C19orf81: variants seen among roughly 807,000 people sequenced by gnomAD.
C19orf81 encodes the protein chromosome 19 open reading frame 81.
In C19orf81, 19 loss-of-function variants were observed where a neutral mutation model predicts 22.1. The ratio of observed to expected loss-of-function variants is 0.86; its 90% confidence interval spans 0.60 to 1.26. C19orf81 has a LOEUF of 1.26. Among genes scored for constraint, C19orf81 ranks in the 50% most tolerant of loss-of-function variants. The pLI is 0.00. For synonymous variants in C19orf81, 108 were observed against 113.1 expected (o/e 0.95, Z 0.29); for missense variants, 287 against 280.7 (o/e 1.02, Z -0.16).
At chr19:50,656,202 C>T (rs1331583947) in intron 2 of C19orf81, 24 bp from the exon 3 acceptor site, 1 of 1,536,032 alleles carries the variant, frequency 6.5e-7, no homozygotes, top group South Asian at 1.2e-5. Context: ...CTCAGAGGTC[C>T]CTGCCTGTTC....
intron 1 of C19orf81, among the ~76,000 whole-genome samples, chr19:50,650,245 GACA>G (rs1984848519): frequency 6.6e-6 from 1 of 152,172 alleles, no homozygotes; most frequent in Non-Finnish European, 1.5e-5. Context: ...GACCCCTGCT[GACA>G]ACTTCAGGCT....
In C19orf81 at chr19:50,656,290, C is replaced by G; in HGVS notation, c.205C>G (p.Arg69Gly). 2 of 1,536,188 alleles carry G rather than the reference C, an allele frequency of 1.3e-6. No homozygotes were observed. The highest frequency in any genetic ancestry group is 2.4e-5 in the South Asian group (2 of 84,054). ...ACTGGACCGAGAACTCCCGTGCATC[C>G]GGAAGTTCCCCACACCACCAGCTTC... The part of the protein sequence containing the change: ...EALDRELPCI[R>G]KFPTPPASQP... The change falls in exon 3 of 5, where the codon CGG becomes GGG. Residue 69 changes from arginine to glycine, a missense_variant. Transcript: ENST00000425202.
At chr19:50,652,049 T>C (rs550054883) in intron 1 of C19orf81, among the ~76,000 whole-genome samples, 2 of 152,266 alleles carry the variant, frequency 1.3e-5, no homozygotes, top group Non-Finnish European at 2.9e-5. Flanking sequence ...ATTGACACCA[T>C]TGTAGCTCAC....
At chr19:50,655,477 C>T (rs1231391319) in intron 1 of C19orf81, among the ~76,000 whole-genome samples, 7 of 151,958 alleles carry the variant, frequency 4.6e-5, no homozygotes, top group Admixed American at 3.3e-4. Context: ...AGTGAAACCC[C>T]GTCTCTACTA....
chr19:50,659,138 C>T lies in C19orf81; in HGVS notation c.593C>T (p.Ala198Val). The T allele has an allele frequency of 7.4e-7, 1 of 1,351,568 alleles. No homozygotes were observed. Among genetic ancestry groups the T allele is most frequent in the Non-Finnish European group, 9.5e-7 (1 of 1,053,628 alleles). The allele number at this position is 1,351,568 out of a possible 1,614,324, so 83.7% of individuals were successfully genotyped here. Residue 198 changes from alanine (A) to valine (V), a missense_variant, in exon 5 of 5, where the codon GCC becomes GTC. Ala to Val is a moderately conservative substitution (Grantham distance 64). Coordinates refer to ENST00000425202, the MANE Select transcript of C19orf81 (RefSeq NM_001195076.2). ...EALGAEPNEE[A>V] is the part of the protein sequence containing the mutation. ...CTGGGGGCGGAGCCGAACGAGGAGG[C>T]CTGACGCCCGGGCGGGCCCCGGCAG...
At chr19:50,650,434 C>G (rs1599826873) in intron 1 of C19orf81, among the ~76,000 whole-genome samples, 1 of 152,206 alleles carries the variant, frequency 6.6e-6, no homozygotes, top group South Asian at 2.1e-4. Context: ...ACTTTGGAGG[C>G]CGAGGTGAGT....
chr19:50,656,165 C>G, intron 2 of C19orf81, 43 bp downstream of exon 2: 2 of 1,536,132 alleles, frequency 1.3e-6, no homozygotes. Flanking sequence ...TTCCGCCTCC[C>G]CAAATGTGAT....
intron 1 of C19orf81, among the ~76,000 whole-genome samples, chr19:50,650,846 G>C (rs57745948): frequency 0.011 from 1,695 of 152,274 alleles, 38 homozygotes; most frequent in African/African-American, 0.039. Flanking sequence ...GCTTTTGAAG[G>C]CATCTTTCTT....
chr19:50,649,658 T>A, intron 1 of C19orf81, 147 bp downstream of exon 1: 1 of 917,418 alleles, frequency 1.1e-6, no homozygotes, highest in Non-Finnish European at 1.7e-6. Flanking sequence ...ACCAGATTCC[T>A]GGAGAGCGGC....
chr19:50,653,446 A>C (rs1289775501), intron 1 of C19orf81, among the ~76,000 whole-genome samples: 1 of 152,004 alleles, frequency 6.6e-6, no homozygotes, highest in African/African-American at 2.4e-5. Flanking sequence ...TGTTTGAGGG[A>C]TGGAGGGAGG....
intron 3 of C19orf81, among the ~76,000 whole-genome samples, chr19:50,657,771 T>A (rs917075016): frequency 6.6e-6 from 1 of 152,206 alleles, no homozygotes; most frequent in Non-Finnish European, 1.5e-5. Context: ...TTTTGGAGAA[T>A]GACCTAGAGT....
intron 1 of C19orf81, chr19:50,649,899 C>T: frequency 2.2e-6 from 1 of 456,202 alleles, no homozygotes; most frequent in Non-Finnish European, 4.4e-6. Flanking sequence ...ACCGCCAACC[C>T]AGTCACTGGT....
chr19:50,651,986 A>C (rs192480755), intron 1 of C19orf81, among the ~76,000 whole-genome samples: 1 of 152,198 alleles, frequency 6.6e-6, no homozygotes, highest in Non-Finnish European at 1.5e-5. Flanking sequence ...ATTTTTTAAA[A>C]TTAATTTATT....
chr19:50,653,024 T>G (rs1227536976), intron 1 of C19orf81, among the ~76,000 whole-genome samples: 2 of 152,118 alleles, frequency 1.3e-5, no homozygotes, highest in Non-Finnish European at 2.9e-5. Flanking sequence ...CAATGGAAAG[T>G]ATTTTATTCT....
rs1178930503 is a variant in C19orf81 at position 50,658,985 on chromosome 19, G to A, written c.440G>A (p.Arg147His). ...IAVTDFQTRS[R>H]LLRSGLSPRG... is the part of the protein sequence containing the mutation. ...GTCACGGACTTCCAGACGCGCTCGC[G>A]CTTGCTGCGCTCCGGGCTCAGTCCC... Residue 147 changes from arginine (R) to histidine (H), a missense_variant, in exon 5 of 5, where the codon CGC becomes CAC. Physicochemically the swap from Arg to His is conservative, Grantham distance 29. Coordinates refer to ENST00000425202, the MANE Select transcript of C19orf81 (RefSeq NM_001195076.2). The A allele has an allele frequency of 2.0e-6, 3 of 1,520,220 alleles. No individual in the cohort carries two copies. The highest frequency in any genetic ancestry group is 2.6e-6 in the Non-Finnish European group (3 of 1,137,914). The allele number at this position is 1,520,220 out of a possible 1,614,324, so 94.2% of individuals were successfully genotyped here. A position where few individuals can be genotyped will look rare whatever the true frequency, so the allele number is the denominator to read the frequency against.
At chr19:50,658,924 T>G in intron 4 of C19orf81, 23 bp from the exon 5 acceptor site, 1 of 1,425,332 alleles carries the variant, frequency 7.0e-7, no homozygotes, top group Non-Finnish European at 9.2e-7. Context: ...CGAGTTCCTT[T>G]TCCGTCCCCA....
Position 50,649,668 on chromosome 19 carries a change from C to A in C19orf81, c.67+157C>A, listed in dbSNP as rs528673083. On this transcript the variant is annotated intron_variant, in intron 1 of 4. Transcript: ENST00000425202. The stretch of plus-strand genomic sequence containing the variant: ...GATTCACCAGATTCCTGGAGAGCGG[C>A]CCCCTTGGACCTCAAACTACATTTC... The A allele has an allele frequency of 4.9e-6, 4 of 812,290 alleles. No individual in the cohort carries two copies. The African/African-American group carries it at 5.1e-5, about 10-fold the overall frequency. The allele number at this position is 812,290 out of a possible 1,614,324, so 50.3% of individuals were successfully genotyped here. A position where few individuals can be genotyped will look rare whatever the true frequency, so the allele number is the denominator to read the frequency against.
At chr19:50,658,189 G>C in intron 4 of C19orf81, 61 bp downstream of exon 4, 3 of 1,462,678 alleles carry the variant, frequency 2.1e-6, no homozygotes, top group Non-Finnish European at 2.7e-6. Flanking sequence ...CGGGGCGACC[G>C]GGTAAGAGCG....
rs1189175389 is a variant in C19orf81, at chr19:50,656,087, G to A, written c.105G>A (p.Met35Ile). ...TGGACCTGGAGACCCCAGAGGAGATGCAGGCTCGGAGCCTGGGCAGGCCCA... is the reference window on the plus strand; with the variant it reads ...TGGACCTGGAGACCCCAGAGGAGATACAGGCTCGGAGCCTGGGCAGGCCCA... Reference protein sequence around the residue: ...LLMDLETPEEMQARSLGRPIK... With the variant: ...LLMDLETPEEIQARSLGRPIK... The change falls in exon 2 of 5, where the codon ATG becomes ATA. Residue 35 changes from methionine to isoleucine, a missense_variant. Met to Ile is a conservative substitution (Grantham distance 10). Transcript: ENST00000425202. 6 of 1,536,054 alleles carry A rather than the reference G, an allele frequency of 3.9e-6. No individual in the cohort carries two copies. In the African/African-American group the frequency reaches 8.2e-5, roughly 21 times the overall value.
Sources: allele counts gnomAD v4.1 joint callset (sites outside exome capture counted in the v4.1 genomes callset), GRCh38; gene constraint gnomAD v4.1.1; transcripts MANE v1.5; gene names NCBI Gene and HGNC (gene_info 2026-07-23, HGNC 2026-07-21).